KCNC2: variants seen among roughly 807,000 people sequenced by gnomAD.
KCNC2 encodes voltage-gated potassium channel KCNC2.
A neutral mutation model predicts 44.5 loss-of-function variants in KCNC2; 21 were observed. The ratio of observed to expected loss-of-function variants is 0.47; its 90% CI spans 0.33 to 0.68. The LOEUF is 0.68. Ranked by LOEUF, KCNC2 falls within the 30% of genes least tolerant of loss-of-function variation. KCNC2 has a pLI of 0.01. For missense variants in KCNC2, 589 were observed against 826.2 expected (o/e 0.71, Z 3.52); for synonymous variants, 391 against 339.1 (o/e 1.15, Z -1.68).
intron 2 of KCNC2, among the ~76,000 whole-genome samples, chr12:75,126,376 T>C (rs1360143405): frequency 1.3e-5 from 2 of 152,230 alleles, no homozygotes; most frequent in Non-Finnish European, 1.5e-5. Context: ...AACAAATTTT[T>C]ACTAAACTAC....
chr12:75,093,301 CAT>C (rs1356718749), intron 2 of KCNC2, among the ~76,000 whole-genome samples: 1 of 151,512 alleles, frequency 6.6e-6, no homozygotes, highest in East Asian at 1.9e-4. Flanking sequence ...GTCAACTTCG[CAT>C]ATGTTACAAG....
In KCNC2 at chr12:75,209,271, G is replaced by A. The variant is rs975636327; in HGVS notation, c.-84C>T. 1.3e-5 allele frequency: 2 copies of A among 152,262 alleles called. No individual in the cohort carries two copies. Among genetic ancestry groups the A allele is most frequent in the African/African-American group, 4.8e-5 (2 of 41,438 alleles). 9.4% of individuals were successfully genotyped at this position (152,262 alleles called of 1,614,324 possible). Reference sequence around the variant, plus strand: ...CCGAGTGGACGAGGTTCTCTGGGCAGCGGGACTGAGTCTTGGCGCCCAGGT... The same window carrying A: ...CCGAGTGGACGAGGTTCTCTGGGCAACGGGACTGAGTCTTGGCGCCCAGGT... On this transcript the variant is annotated 5_prime_UTR_variant, in exon 1 of 5. Coordinates refer to ENST00000549446, the MANE Select transcript of KCNC2 (RefSeq NM_139137.4).
chr12:75,187,784 T>A (rs1417974247), intron 2 of KCNC2, among the ~76,000 whole-genome samples: 28 of 152,122 alleles, frequency 1.8e-4, no homozygotes, highest in Admixed American at 1.8e-3. Flanking sequence ...AGAACCCAAA[T>A]TGCCAGAAGA....
At chr12:75,127,719 A>G (rs1888535350) in intron 2 of KCNC2, among the ~76,000 whole-genome samples, 1 of 152,222 alleles carries the variant, frequency 6.6e-6, no homozygotes, top group Non-Finnish European at 1.5e-5. Flanking sequence ...CTGTAGCCAT[A>G]TAAAAATACA....
chr12:75,064,900 C>A (rs1979292), intron 2 of KCNC2, among the ~76,000 whole-genome samples: 134,117 of 151,964 alleles, frequency 0.88, 59,348 homozygotes, highest in Admixed American at 0.91. Flanking sequence ...GTTTAGTATG[C>A]TTTATTTGAA....
Position 75,155,447 on chromosome 12 carries a change from C to T in KCNC2, c.687+51850G>A, listed in dbSNP as rs372546998. 9.2e-5 allele frequency among the ~76,000 whole-genome samples: 14 copies of T among 151,800 alleles called. No individual in the cohort carries two copies. The South Asian group carries it at 1.9e-3, about 20-fold the overall frequency. ...AGGAACAAGTAAGAAGAAAAATAAA[C>T]TTGCAATCATTCAAGAGAATGAAGT... is the stretch of plus-strand genomic sequence containing the variant. On this transcript the variant is annotated intron_variant, in intron 2 of 4. Coordinates refer to ENST00000549446, the MANE Select transcript of KCNC2 (RefSeq NM_139137.4).
intron 2 of KCNC2, among the ~76,000 whole-genome samples, chr12:75,204,765 G>A (rs1390874025): frequency 3.9e-5 from 6 of 152,032 alleles, no homozygotes; most frequent in Non-Finnish European, 7.4e-5. Context: ...AACTAAAAGT[G>A]CTCAGGTAAA....
chr12:75,153,223 G>A (rs765736125), intron 2 of KCNC2, among the ~76,000 whole-genome samples: 2 of 151,958 alleles, frequency 1.3e-5, no homozygotes. Context: ...TACATGTAAT[G>A]TTCTATTTCA....
intron 2 of KCNC2, among the ~76,000 whole-genome samples, chr12:75,096,279 A>G (rs902383443): frequency 7.2e-5 from 11 of 151,998 alleles, no homozygotes; most frequent in Admixed American, 1.3e-4. Context: ...AATGAACTAG[A>G]TGAATGTCTT....
In KCNC2 at chr12:75,157,335, G is replaced by C. The variant is rs182039978; in HGVS notation, c.687+49962C>G. Among the ~76,000 whole-genome samples, 36 of 151,870 alleles carry C rather than the reference G, an allele frequency of 2.4e-4. 1 individual carries two copies. Among genetic ancestry groups the C allele is most frequent in the Admixed American group, 2.4e-3 (36 of 15,212 alleles). On this transcript the variant is annotated intron_variant, in intron 2 of 4. Transcript: ENST00000549446. ...CTGGAACTCTAGCAGTCATTTTGTG[G>C]TTATGAGGAAAAGGCTAAAAGAATC...
At chr12:75,045,424 C>T (rs995899892) in intron 4 of KCNC2, among the ~76,000 whole-genome samples, 1 of 151,890 alleles carries the variant, frequency 6.6e-6, no homozygotes, top group African/African-American at 2.4e-5. Context: ...TTTGAAAAGG[C>T]TTCCTTTCTA....
At chr12:75,201,360 A>G (rs1438092107) in intron 2 of KCNC2, among the ~76,000 whole-genome samples, 1 of 148,754 alleles carries the variant, frequency 6.7e-6, no homozygotes, top group African/African-American at 2.5e-5. Flanking sequence ...ATGGGCATGA[A>G]CATGTCGTCC....
rs1219616009 is a variant in KCNC2, at chr12:75,061,894, T to G, written c.688-10577A>C. Among the ~76,000 whole-genome samples the G allele has an allele frequency of 3.9e-5, 6 of 152,016 alleles. No individual in the cohort carries two copies. The East Asian group carries it at 1.2e-3, about 29-fold the overall frequency. On this transcript the variant is annotated intron_variant, in intron 2 of 4. Transcript: ENST00000549446. The stretch of plus-strand genomic sequence containing the variant: ...GAGAAGCATCAGGAAAGGAAGAAAT[T>G]AAGGGCTATGCCACTGATAACAGTT...
Position 75,209,802 on chromosome 12 carries a change from T to C in KCNC2, c.-615A>G, listed in dbSNP as rs1205760967. 2 of 152,282 alleles carry C rather than the reference T, an allele frequency of 1.3e-5. No homozygotes were observed. Among genetic ancestry groups the C allele is most frequent in the Non-Finnish European group, 2.9e-5 (2 of 68,070 alleles). The allele number at this position is 152,282 out of a possible 1,614,324, so 9.4% of individuals were successfully genotyped here. ...TACCAACCAGGTTCACATATTTTTC[T>C]TCCGTGAAGCTCTGTCTCCACCCTC... On this transcript the variant is annotated 5_prime_UTR_variant, in exon 1 of 5. Coordinates refer to ENST00000549446, the MANE Select transcript of KCNC2 (RefSeq NM_139137.4).
chr12:75,042,284 C>T lies in KCNC2; in HGVS notation c.*821G>A. 6.2e-7 allele frequency: 1 copy of T among 1,609,674 alleles called. No individual in the cohort carries two copies. The highest frequency in any genetic ancestry group is 8.5e-7 in the Non-Finnish European group (1 of 1,177,686). On this transcript the variant is annotated 3_prime_UTR_variant, in exon 5 of 5. Coordinates refer to ENST00000549446, the MANE Select transcript of KCNC2 (RefSeq NM_139137.4). ...GCAAGCCTGGCTGGCAGTTACCTTT[C>T]TCTCATGTTTTGTGCCTTCCCCAAG...
chr12:75,076,681 C>G (rs1293127877), intron 2 of KCNC2, among the ~76,000 whole-genome samples: 1 of 152,176 alleles, frequency 6.6e-6, no homozygotes, highest in Non-Finnish European at 1.5e-5. Flanking sequence ...TGATTCTCCT[C>G]TAGAATATTA....
intron 2 of KCNC2, among the ~76,000 whole-genome samples, chr12:75,067,294 CAA>C (rs1218139795): frequency 1.3e-5 from 2 of 152,166 alleles, no homozygotes; most frequent in African/African-American, 2.4e-5. Context: ...TAGTTTGTGG[CAA>C]AGTCTCTAAT....
intron 2 of KCNC2, among the ~76,000 whole-genome samples, chr12:75,138,678 C>A (rs117251563): frequency 0.018 from 2,686 of 152,008 alleles, 35 homozygotes; most frequent in Middle Eastern, 0.054. Flanking sequence ...GATGTTTTAC[C>A]TATAAGAAAA....
chr12:75,189,341 C>G (rs1298654068), intron 2 of KCNC2, among the ~76,000 whole-genome samples: 1 of 152,170 alleles, frequency 6.6e-6, no homozygotes, highest in Non-Finnish European at 1.5e-5. Context: ...AGGGGTACTC[C>G]TGTGCATTGT....
Sources: gnomAD v4.1 joint callset for allele counts (sites outside exome capture counted in the v4.1 genomes callset) on GRCh38, gnomAD v4.1.1 for gene constraint, MANE v1.5 for transcripts, NCBI Gene and HGNC (gene_info 2026-07-23, HGNC 2026-07-21) for gene names.